The following FSTL5 variants were observed in gnomAD, a reference collection of about 807,000 sequenced individuals.
FSTL5 encodes follistatin like 5.
In FSTL5, 62 loss-of-function variants were observed where a neutral mutation model predicts 89.1. The ratio of observed to expected loss-of-function variants is 0.70; its 90% CI spans 0.57 to 0.86. FSTL5 has a LOEUF of 0.86. Ranked by LOEUF, FSTL5 falls within the 40% of genes least tolerant of loss-of-function variation. The probability of loss-of-function intolerance (pLI) is 0.00; values close to 1 mark genes in which losing one functional copy is unlikely to be tolerated. For synonymous variants in FSTL5, 383 were observed against 346.2 expected (o/e 1.11, Z -1.18); for missense variants, 1,057 against 1,001.6 (o/e 1.06, Z -0.75).
chr4:161,385,717 G>T lies in FSTL5; in HGVS notation c.*30C>A. The T allele has an allele frequency of 7.1e-7, 1 of 1,408,620 alleles. No homozygotes were observed. Among genetic ancestry groups the T allele is most frequent in the Non-Finnish European group, 9.7e-7 (1 of 1,028,516 alleles). 87.3% of individuals were successfully genotyped at this position (1,408,620 alleles called of 1,614,324 possible). A position where few individuals can be genotyped will look rare whatever the true frequency, so the allele number is the denominator to read the frequency against. ...GATTAAGTGCAATGTATTGTAAAAC[G>T]CTTCATTCAATAATTGTATCGTAGG... is the stretch of plus-strand genomic sequence containing the variant. On this transcript the variant is annotated 3_prime_UTR_variant, in exon 16 of 16. Transcript: ENST00000306100.
intron 8 of FSTL5, among the ~76,000 whole-genome samples, chr4:161,545,434 G>A (rs188419994): frequency 4.3e-4 from 43 of 99,614 alleles, no homozygotes; most frequent in Middle Eastern, 0.01. Flanking sequence ...AATTCAGTGT[G>A]TATTTCTTTA....
At chr4:161,483,680 T>C (rs918484477) in intron 12 of FSTL5, among the ~76,000 whole-genome samples, 7 of 152,160 alleles carry the variant, frequency 4.6e-5, no homozygotes, top group Non-Finnish European at 8.8e-5. Flanking sequence ...CAGATTAACA[T>C]TGATTTCTAT....
At position 161,881,730 on chromosome 4, in the gene FSTL5, A is replaced by T. The variant is rs182105332; in HGVS notation, c.409+38674T>A. Among the ~76,000 whole-genome samples the T allele has an allele frequency of 6.0e-4, 92 of 152,158 alleles. 1 individual carries two copies. Among genetic ancestry groups the T allele is most frequent in the Non-Finnish European group, 1.1e-3 (73 of 67,930 alleles). On this transcript the variant is annotated intron_variant, in intron 4 of 15. Coordinates refer to ENST00000306100, the MANE Select transcript of FSTL5 (RefSeq NM_020116.5). ...AACAAACAAACAAACAAACAAATAA[A>T]TCTACTTTCCCTAACGCAGGCTTAT...
At chr4:161,533,579 T>C (rs146887824) in intron 10 of FSTL5, among the ~76,000 whole-genome samples, 3 of 152,156 alleles carry the variant, frequency 2.0e-5, no homozygotes, top group East Asian at 3.9e-4. Flanking sequence ...AAGTAAGTAA[T>C]ACAAAATGTA....
At chr4:161,790,632 A>T (rs1432611249) in intron 4 of FSTL5, among the ~76,000 whole-genome samples, 1 of 152,228 alleles carries the variant, frequency 6.6e-6, no homozygotes, top group Admixed American at 6.5e-5. Flanking sequence ...TTGCATAACT[A>T]ATGTAAAGAG....
chr4:161,653,429 A>G (rs1736407883), intron 7 of FSTL5, among the ~76,000 whole-genome samples: 1 of 152,172 alleles, frequency 6.6e-6, no homozygotes, highest in Non-Finnish European at 1.5e-5. Context: ...TTTCTGTGTT[A>G]CAGCCTTATT....
intron 12 of FSTL5, among the ~76,000 whole-genome samples, chr4:161,489,099 T>C (rs530006114): frequency 1.3e-5 from 2 of 152,216 alleles, no homozygotes; most frequent in Admixed American, 1.3e-4. Flanking sequence ...TTGAATTAGA[T>C]GAGAAAAGCT....
chr4:161,677,971 G>A (rs1331888901), intron 6 of FSTL5, among the ~76,000 whole-genome samples: 3 of 151,276 alleles, frequency 2.0e-5, no homozygotes, highest in Admixed American at 1.3e-4. Context: ...TATTTTATTT[G>A]TCAATTAAAA....
chr4:161,720,531 A>C (rs1483603934), intron 6 of FSTL5, among the ~76,000 whole-genome samples: 1 of 152,216 alleles, frequency 6.6e-6, no homozygotes, highest in Non-Finnish European at 1.5e-5. Flanking sequence ...AAGGAATTGA[A>C]ATCAGGATCT....
intron 6 of FSTL5, among the ~76,000 whole-genome samples, chr4:161,742,207 T>C (rs1313094721): frequency 6.6e-6 from 1 of 152,204 alleles, no homozygotes; most frequent in Non-Finnish European, 1.5e-5. Context: ...TTTGATATCC[T>C]GAGGGGAGTG....
intron 6 of FSTL5, among the ~76,000 whole-genome samples, chr4:161,661,652 T>A (rs1736716144): frequency 6.6e-6 from 1 of 152,188 alleles, no homozygotes; most frequent in South Asian, 2.1e-4. Flanking sequence ...TTACATAATT[T>A]AGACATGCCA....
chr4:161,386,102 G>A lies in FSTL5; in HGVS notation c.2189C>T (p.Ala730Val), dbSNP rs1296996364. The A allele has an allele frequency of 6.2e-7, 1 of 1,613,948 alleles. No individual in the cohort carries two copies. Among genetic ancestry groups the A allele is most frequent in the East Asian group, 2.2e-5 (1 of 44,848 alleles). The change falls in exon 16 of 16, where the codon GCT (alanine) becomes GTT (valine). Residue 730 changes from alanine (A) to valine (V), a missense_variant. Transcript: ENST00000306100. Reference protein sequence around the residue: ...YITIRGEIQEAFDIYTNLHIS... With the variant: ...YITIRGEIQEVFDIYTNLHIS... ...GTGCAGATTTGTGTAAATATCAAAA[G>A]CCTCCTGTATTTCTCCTCTGATGGT...
At chr4:161,782,101 T>C (rs1741692627) in intron 4 of FSTL5, among the ~76,000 whole-genome samples, 1 of 152,198 alleles carries the variant, frequency 6.6e-6, no homozygotes, top group Non-Finnish European at 1.5e-5. Context: ...CCGAATAATA[T>C]TCCATTGTAT....
intron 4 of FSTL5, among the ~76,000 whole-genome samples, chr4:161,789,018 T>C (rs1398149150): frequency 6.6e-6 from 1 of 152,204 alleles, no homozygotes; most frequent in Non-Finnish European, 1.5e-5. Context: ...TTATTTCATT[T>C]ACTGATTTGG....
chr4:162,009,673 T>C (rs1736706174), intron 3 of FSTL5, among the ~76,000 whole-genome samples: 1 of 151,998 alleles, frequency 6.6e-6, no homozygotes, highest in South Asian at 2.1e-4. Flanking sequence ...AGCTAATAGG[T>C]GGCATAAAAT....
At chr4:161,797,970 G>C (rs1729684114) in intron 4 of FSTL5, among the ~76,000 whole-genome samples, 1 of 151,562 alleles carries the variant, frequency 6.6e-6, no homozygotes, top group Non-Finnish European at 1.5e-5. Context: ...ATCATGGAAA[G>C]AGTAATGCTC....
chr4:161,498,947 T>A (rs1730192537), intron 12 of FSTL5, among the ~76,000 whole-genome samples: 1 of 152,098 alleles, frequency 6.6e-6, no homozygotes, highest in Non-Finnish European at 1.5e-5. Flanking sequence ...ATGCCTCTAA[T>A]CCCAGAACTT....
chr4:161,810,729 A>G (rs1049483097), intron 4 of FSTL5, among the ~76,000 whole-genome samples: 2 of 152,222 alleles, frequency 1.3e-5, no homozygotes, highest in African/African-American at 2.4e-5. Flanking sequence ...ATAATTAACT[A>G]TAATAATGTT....
At chr4:161,988,844 T>C (rs11100403) in intron 3 of FSTL5, among the ~76,000 whole-genome samples, 8,366 of 152,244 alleles carry the variant, frequency 0.055, 260 homozygotes, top group Non-Finnish European at 0.077. Flanking sequence ...GATTTTCAGA[T>C]AATTTCTTGT....
Sources: gnomAD v4.1 joint callset for allele counts (sites outside exome capture counted in the v4.1 genomes callset) on GRCh38, gnomAD v4.1.1 for gene constraint, MANE v1.5 for transcripts, NCBI Gene and HGNC (gene_info 2026-07-23, HGNC 2026-07-21) for gene names.